Variants in ATP8A1 observed in about 807,000 individuals in gnomAD.
ATP8A1 encodes phospholipid-transporting ATPase IA.
A neutral mutation model predicts 177.7 loss-of-function variants in ATP8A1; 90 were observed. That is an observed-to-expected ratio of 0.51 (90% CI 0.43 to 0.60). The LOEUF (loss-of-function observed/expected upper bound fraction) is 0.60, where lower values mean the gene tolerates loss of function less well. ATP8A1 is among the 20% of genes least tolerant of loss of function. The pLI is 0.00. For synonymous variants in ATP8A1, 493 were observed against 485.9 expected (o/e 1.01, Z -0.19); for missense variants, 1,072 against 1,392.8 (o/e 0.77, Z 3.67).
chr4:42,461,920 C>T (rs984981992), intron 27 of ATP8A1, among the ~76,000 whole-genome samples: 2 of 152,114 alleles, frequency 1.3e-5, no homozygotes, highest in African/African-American at 4.8e-5. Flanking sequence ...GGAGCAAAGG[C>T]GACTCTTGGT....
chr4:42,490,616 A>G (rs1004561842), intron 24 of ATP8A1, among the ~76,000 whole-genome samples: 27 of 152,240 alleles, frequency 1.8e-4, no homozygotes, highest in Admixed American at 5.2e-4. Context: ...CTAGTTCTTG[A>G]GCTGGGGTAA....
intron 1 of ATP8A1, among the ~76,000 whole-genome samples, chr4:42,649,416 G>A (rs551187899): frequency 5.3e-5 from 8 of 152,000 alleles, no homozygotes; most frequent in Non-Finnish European, 7.4e-5. Flanking sequence ...AGTTGGGAAG[G>A]ACATATACTA....
At chr4:42,618,679 G>C (rs1737153022) in intron 4 of ATP8A1, among the ~76,000 whole-genome samples, 1 of 152,186 alleles carries the variant, frequency 6.6e-6, no homozygotes, top group African/African-American at 2.4e-5. Context: ...AGTAACAAGT[G>C]ACAAAACCCC....
chr4:42,552,479 ATACTT>A (rs766498567), intron 17 of ATP8A1, 21 bp downstream of exon 17: 13 of 1,545,342 alleles, frequency 8.4e-6, no homozygotes, highest in Non-Finnish European at 1.2e-5. Flanking sequence ...CCACAAAACA[ATACTT>A]TACAATTGCT....
chr4:42,618,102 A>G (rs1737095492), intron 4 of ATP8A1, among the ~76,000 whole-genome samples: 1 of 152,228 alleles, frequency 6.6e-6, no homozygotes, highest in Non-Finnish European at 1.5e-5. Context: ...AATAAACTGT[A>G]TTGTATAAAC....
intron 27 of ATP8A1, among the ~76,000 whole-genome samples, chr4:42,460,577 C>T (rs4861197): frequency 0.95 from 143,740 of 152,020 alleles, 68,446 homozygotes; most frequent in Non-Finnish European, 1. Context: ...TTAGTAGGGA[C>T]GGGGTTTCAC....
chr4:42,643,368 G>A (rs764683242), intron 1 of ATP8A1, among the ~76,000 whole-genome samples: 1 of 152,106 alleles, frequency 6.6e-6, no homozygotes, highest in East Asian at 1.9e-4. Flanking sequence ...TTTGACACAT[G>A]GGACTTTCTC....
intron 15 of ATP8A1, 83 bp downstream of exon 15, chr4:42,569,078 A>G (rs923190752): frequency 3.8e-5 from 27 of 717,502 alleles, no homozygotes; most frequent in Non-Finnish European, 4.7e-5. Context: ...TTTATATAAA[A>G]GAGAGTGAAA....
chr4:42,427,908 C>T lies in ATP8A1; in HGVS notation c.3124-4203G>A, dbSNP rs77369601. Among the ~76,000 whole-genome samples the T allele has an allele frequency of 5.4e-3, 829 of 152,312 alleles. 9 individuals carry two copies. Among genetic ancestry groups the T allele is most frequent in the African/African-American group, 0.018 (756 of 41,562 alleles). ...AACACTTTCCCCTACATCCTTCTTACAAACATCCCACACAACTAATTTTGG... is the reference window on the plus strand; with the variant it reads ...AACACTTTCCCCTACATCCTTCTTATAAACATCCCACACAACTAATTTTGG... On this transcript the variant is annotated intron_variant, in intron 33 of 36. Transcript: ENST00000381668.
At chr4:42,597,810 G>A (rs1235364430) in intron 6 of ATP8A1, among the ~76,000 whole-genome samples, 1 of 152,046 alleles carries the variant, frequency 6.6e-6, no homozygotes, top group Non-Finnish European at 1.5e-5. Flanking sequence ...ACAATAGTAT[G>A]TAAATAAAAT....
chr4:42,495,625 TTG>T (rs66613529), intron 24 of ATP8A1, among the ~76,000 whole-genome samples: 14,921 of 151,838 alleles, frequency 0.098, 938 homozygotes, highest in Admixed American at 0.16. Flanking sequence ...TTTTTTTTTT[TTG>T]ATGTAGTTTT....
At chr4:42,553,254 A>T (rs927701085) in intron 16 of ATP8A1, among the ~76,000 whole-genome samples, 9 of 152,224 alleles carry the variant, frequency 5.9e-5, no homozygotes, top group Non-Finnish European at 1.2e-4. Flanking sequence ...AAATTCGAAG[A>T]TGTTCATTTA....
chr4:42,525,898 ATTTCT>A (rs1726626331), intron 20 of ATP8A1, among the ~76,000 whole-genome samples: 1 of 152,236 alleles, frequency 6.6e-6, no homozygotes, highest in South Asian at 2.1e-4. Flanking sequence ...GCAATTCTGA[ATTTCT>A]TTTCATTTTT....
intron 1 of ATP8A1, among the ~76,000 whole-genome samples, chr4:42,651,244 G>A (rs1399398304): frequency 1.3e-5 from 2 of 152,100 alleles, no homozygotes; most frequent in Non-Finnish European, 2.9e-5. Flanking sequence ...TCTTCATCAG[G>A]AGCATGAAAA....
intron 20 of ATP8A1, among the ~76,000 whole-genome samples, chr4:42,533,594 C>T (rs78971051): frequency 0.01 from 1,551 of 152,266 alleles, 24 homozygotes; most frequent in African/African-American, 0.036. Flanking sequence ...CAAAGGACAT[C>T]TCTTGGGAGC....
intron 22 of ATP8A1, among the ~76,000 whole-genome samples, chr4:42,519,643 T>C (rs1184999389): frequency 6.6e-6 from 1 of 152,184 alleles, no homozygotes; most frequent in African/African-American, 2.4e-5. Context: ...ATGAAAGTTA[T>C]TTAAATAGAT....
chr4:42,556,115 T>TCATA, intron 15 of ATP8A1, 75 bp from the exon 16 acceptor site: 5 of 1,033,540 alleles, frequency 4.8e-6, no homozygotes, highest in Non-Finnish European at 7.2e-6. Context: ...ATGTACTTTA[T>TCATA]GAGTAAAGTG....
At chr4:42,483,762 A>G (rs1452378608) in intron 25 of ATP8A1, among the ~76,000 whole-genome samples, 1 of 152,206 alleles carries the variant, frequency 6.6e-6, no homozygotes, top group East Asian at 1.9e-4. Flanking sequence ...TGCTTTAAGA[A>G]TGAGGCTCAG....
At chr4:42,484,188 T>G (rs991963632) in intron 25 of ATP8A1, among the ~76,000 whole-genome samples, 5 of 152,162 alleles carry the variant, frequency 3.3e-5, no homozygotes, top group Non-Finnish European at 7.3e-5. Context: ...AAAGTAAATT[T>G]TAAAAAGCAT....
Sources: allele counts gnomAD v4.1 joint callset (sites outside exome capture counted in the v4.1 genomes callset), GRCh38; gene constraint gnomAD v4.1.1; transcripts MANE v1.5; gene names NCBI Gene and HGNC (gene_info 2026-07-23, HGNC 2026-07-21).